The following HTR1F variants were observed in gnomAD, a reference collection of about 807,000 sequenced individuals.
HTR1F encodes the protein 5-hydroxytryptamine receptor 1F.
Under a neutral mutation model 24.0 loss-of-function variants are expected in HTR1F, and 17 were observed. That is an observed-to-expected ratio of 0.71 (90% CI 0.48 to 1.06). HTR1F has a LOEUF of 1.06. Among genes scored for constraint, HTR1F ranks in the 50% least tolerant of loss-of-function variants. The probability of loss-of-function intolerance (pLI) is 0.00; values close to 1 mark genes in which losing one functional copy is unlikely to be tolerated. For synonymous variants in HTR1F, 186 were observed against 156.8 expected (o/e 1.19, Z -1.39); for missense variants, 391 against 427.8 (o/e 0.91, Z 0.76).
intron 2 of HTR1F, among the ~76,000 whole-genome samples, chr3:87,925,438 C>A (rs1303675181): frequency 6.6e-6 from 1 of 152,066 alleles, no homozygotes; most frequent in African/African-American, 2.4e-5. Flanking sequence ...GGATGCAGGG[C>A]ACTGTGTGGC....
intron 2 of HTR1F, among the ~76,000 whole-genome samples, chr3:87,889,540 G>A (rs1352928455): frequency 1.3e-5 from 2 of 152,054 alleles, no homozygotes; most frequent in Non-Finnish European, 1.5e-5. Flanking sequence ...CAAGTGTTCT[G>A]ACTAAGAAGA....
At chr3:87,930,479 A>T (rs1704235493) in intron 2 of HTR1F, among the ~76,000 whole-genome samples, 1 of 152,142 alleles carries the variant, frequency 6.6e-6, no homozygotes, top group Non-Finnish European at 1.5e-5. Context: ...GTCTATTGAG[A>T]GTTTTTAATG....
intron 2 of HTR1F, among the ~76,000 whole-genome samples, chr3:87,881,079 AC>A (rs1163023891): frequency 6.6e-6 from 1 of 152,148 alleles, no homozygotes; most frequent in Non-Finnish European, 1.5e-5. Flanking sequence ...GACTGGTTGG[AC>A]ATAGTGGGTG....
chr3:87,813,686 G>A (rs1371111469), intron 1 of HTR1F, among the ~76,000 whole-genome samples: 1 of 152,172 alleles, frequency 6.6e-6, no homozygotes, highest in Non-Finnish European at 1.5e-5. Context: ...AGAGGGACCA[G>A]TAATACTCAC....
intron 1 of HTR1F, among the ~76,000 whole-genome samples, chr3:87,806,636 TG>T (rs1156705843): frequency 6.6e-5 from 10 of 152,082 alleles, no homozygotes; most frequent in Non-Finnish European, 5.9e-5. Context: ...ATTGCTTTGC[TG>T]TGAAGAAGAG....
intron 2 of HTR1F, among the ~76,000 whole-genome samples, chr3:87,873,321 C>A (rs962250506): frequency 2.0e-5 from 3 of 152,016 alleles, no homozygotes; most frequent in Non-Finnish European, 4.4e-5. Context: ...GGCTTAATAA[C>A]CATGGGAGTG....
chr3:87,865,406 A>T (rs1847309), intron 2 of HTR1F, among the ~76,000 whole-genome samples: 67,648 of 151,902 alleles, frequency 0.45, 18,690 homozygotes, highest in African/African-American at 0.79. Context: ...GTAGCCAGCA[A>T]CCAGATCAGG....
At chr3:87,844,114 C>A (rs1364496584) in intron 2 of HTR1F, among the ~76,000 whole-genome samples, 1 of 151,324 alleles carries the variant, frequency 6.6e-6, no homozygotes, top group Non-Finnish European at 1.5e-5. Context: ...CTGACTTCCA[C>A]AATGGTTGAA....
At chr3:87,854,143 G>GA (rs1353901108) in intron 2 of HTR1F, among the ~76,000 whole-genome samples, 3 of 151,798 alleles carry the variant, frequency 2.0e-5, no homozygotes, top group African/African-American at 7.3e-5. Context: ...TATTTTTACA[G>GA]AAAATTATTT....
Position 87,991,234 on chromosome 3 carries a change from G to A in HTR1F, c.485G>A (p.Arg162Lys), listed in dbSNP as rs1705819697. ...VFISMPPLFW[R>K]HQGTSRDDEC... is the part of the protein sequence containing the mutation. ...ATCTCTATGCCTCCTCTATTCTGGA[G>A]GCACCAAGGAACTAGCAGAGATGAT... The change falls in exon 3 of 3, where the codon AGG (arginine) becomes AAG (lysine). Residue 162 changes from arginine (R) to lysine (K), a missense_variant. Coordinates refer to ENST00000319595, the MANE Select transcript of HTR1F (RefSeq NM_001322209.2). 3.7e-6 allele frequency: 6 copies of A among 1,614,006 alleles called. No individual in the cohort carries two copies. The East Asian group carries it at 1.3e-4, about 36-fold the overall frequency.
At chr3:87,911,164 G>A (rs1703771844) in intron 2 of HTR1F, among the ~76,000 whole-genome samples, 1 of 151,762 alleles carries the variant, frequency 6.6e-6, no homozygotes, top group Non-Finnish European at 1.5e-5. Flanking sequence ...ACACTCGAAA[G>A]ATCCACAAAT....
At chr3:87,855,017 G>T (rs1291215320) in intron 2 of HTR1F, among the ~76,000 whole-genome samples, 2 of 151,912 alleles carry the variant, frequency 1.3e-5, no homozygotes, top group Admixed American at 6.6e-5. Context: ...TGTGTTCTCT[G>T]TCTCTCTCTC....
At chr3:87,980,091 A>G (rs1423268012) in intron 2 of HTR1F, among the ~76,000 whole-genome samples, 1 of 152,198 alleles carries the variant, frequency 6.6e-6, no homozygotes, top group Non-Finnish European at 1.5e-5. Context: ...TTTGTGTTAC[A>G]GCTCTTTCAG....
intron 2 of HTR1F, among the ~76,000 whole-genome samples, chr3:87,843,474 C>A (rs1187351660): frequency 1.3e-5 from 2 of 150,724 alleles, no homozygotes; most frequent in Non-Finnish European, 1.5e-5. Flanking sequence ...ACCACATAAA[C>A]CTACCACTGG....
intron 2 of HTR1F, among the ~76,000 whole-genome samples, chr3:87,827,328 T>C: frequency 6.6e-6 from 1 of 152,060 alleles, no homozygotes; most frequent in East Asian, 1.9e-4. Context: ...AGCTCCCACT[T>C]ATACTATAAT....
chr3:87,893,975 T>G (rs1263251441), intron 2 of HTR1F, among the ~76,000 whole-genome samples: 1 of 152,172 alleles, frequency 6.6e-6, no homozygotes, highest in East Asian at 1.9e-4. Context: ...TTACTCATTT[T>G]TTTTCCTTTC....
intron 2 of HTR1F, among the ~76,000 whole-genome samples, chr3:87,880,476 A>G (rs954525916): frequency 6.6e-6 from 1 of 152,240 alleles, no homozygotes; most frequent in Non-Finnish European, 1.5e-5. Flanking sequence ...AGTGAGTATT[A>G]GAAACCTGGT....
rs546981966 is a variant in HTR1F, at chr3:87,811,273, T to C, written c.-159-10735T>C. Among the ~76,000 whole-genome samples the C allele has an allele frequency of 2.2e-3, 286 of 131,018 alleles. 2 individuals carry two copies. The highest frequency in any genetic ancestry group is 8.7e-3 in the African/African-American group (274 of 31,668). The allele number at this position is 131,018 out of a possible 152,430, so 86.0% of individuals were successfully genotyped here. ...TTCCAGGTCATTCAGTGGAATTCTA[T>C]TGTTAAAAAAAAAAAAAGCCTTCCT... On this transcript the variant is annotated intron_variant, in intron 1 of 2. Transcript: ENST00000319595.
intron 1 of HTR1F, among the ~76,000 whole-genome samples, chr3:87,796,372 T>C (rs7643136): frequency 0.3 from 44,999 of 151,836 alleles, 6,838 homozygotes; most frequent in East Asian, 0.42. Context: ...ACTAGATATC[T>C]AGGTGCAGGC....
Sources: allele counts gnomAD v4.1 joint callset (sites outside exome capture counted in the v4.1 genomes callset), GRCh38; gene constraint gnomAD v4.1.1; transcripts MANE v1.5; gene names NCBI Gene and HGNC (gene_info 2026-07-23, HGNC 2026-07-21).